C21orf58: variants seen among roughly 807,000 people sequenced by gnomAD.
C21orf58 encodes chromosome 21 open reading frame 58.
Under a neutral mutation model 35.8 loss-of-function variants are expected in C21orf58, and 34 were observed. That is an observed-to-expected ratio of 0.95 (90% CI 0.72 to 1.26). The LOEUF is 1.26. Among genes scored for constraint, C21orf58 ranks in the 50% most tolerant of loss-of-function variants. The pLI, the probability that C21orf58 is intolerant of heterozygous loss-of-function variation, is 0.00. For synonymous variants in C21orf58, 191 were observed against 175.8 expected (o/e 1.09, Z -0.68); for missense variants, 440 against 414.3 (o/e 1.06, Z -0.54).
chr21:46,302,073 G>GGTA lies in C21orf58; in HGVS notation c.894_895insTAC (p.His298_His299insTyr), dbSNP rs2145880950. 6.8e-6 allele frequency: 9 copies of GGTA among 1,316,396 alleles called. No homozygotes were observed. The highest frequency in any genetic ancestry group is 9.3e-6 in the Non-Finnish European group (9 of 966,406). 81.5% of individuals were successfully genotyped at this position (1,316,396 alleles called of 1,614,324 possible). On this transcript the variant is annotated inframe_insertion, in exon 8 of 8. Transcript: ENST00000291691. ...GCAGCCCCAGGTGGCCACACAGCAT[G>GGTA]GTGGTGGTGGTGGTGGTGGTGCACG...
chr21:46,301,126 C>A (rs1490503701), downstream of C21orf58: 11 of 973,590 alleles, frequency 1.1e-5, no homozygotes, highest in Admixed American at 6.8e-5. Flanking sequence ...ACGTCATACA[C>A]AGCTTGCTTC....
In C21orf58 at chr21:46,323,384, C is replaced by A. The variant is rs1057202055; in HGVS notation, c.-646G>T. On this transcript the variant is annotated 5_prime_UTR_variant, in exon 1 of 8. Coordinates refer to ENST00000291691, the MANE Select transcript of C21orf58 (RefSeq NM_058180.5). ...CCATTTCTCTTCTGTCTACTAAAAA[C>A]CTTTTCTTTTCTTTTTTTTTTGAGA... The A allele has an allele frequency of 1.4e-5, 2 of 147,764 alleles. No homozygotes were observed. Among genetic ancestry groups the A allele is most frequent in the African/African-American group, 4.9e-5 (2 of 40,838 alleles). The allele number at this position is 147,764 out of a possible 1,614,324, so 9.2% of individuals were successfully genotyped here.
intron 1 of C21orf58, chr21:46,318,796 G>C (rs989111852): frequency 2.0e-6 from 2 of 987,168 alleles, no homozygotes; most frequent in African/African-American, 1.7e-5. Flanking sequence ...TTGGGGCTGG[G>C]GGCACTGGGC....
downstream of C21orf58, chr21:46,301,016 C>T: frequency 1.0e-6 from 1 of 963,478 alleles, no homozygotes; most frequent in South Asian, 2.4e-5. Context: ...CTCACCTTTG[C>T]TTTACAGGAA....
chr21:46,311,726 TC>T, intron 5 of C21orf58, 159 bp from the exon 6 acceptor site: 1 of 417,662 alleles, frequency 2.4e-6, no homozygotes, highest in Non-Finnish European at 4.3e-6. Context: ...CATCCACCCA[TC>T]CATCCAACCA....
chr21:46,318,642 G>A, intron 1 of C21orf58: 1 of 1,087,436 alleles, frequency 9.2e-7, no homozygotes, highest in Non-Finnish European at 1.1e-6. Context: ...GGAGACACTG[G>A]GAGGACAGGG....
At chr21:46,306,418 C>G (rs62224180) in intron 6 of C21orf58, among the ~76,000 whole-genome samples, 99,084 of 151,894 alleles carry the variant, frequency 0.65, 34,930 homozygotes, top group Non-Finnish European at 0.8. Flanking sequence ...AGAATCGCTT[C>G]AACCTAGGAG....
At position 46,322,409 on chromosome 21, in the gene C21orf58, C is replaced by T. The variant is rs1028495783; in HGVS notation, c.100+230G>A. 2.3e-5 allele frequency: 23 copies of T among 984,004 alleles called. No individual in the cohort carries two copies. In the Admixed American group the frequency reaches 5.5e-4, roughly 24 times the overall value. The allele number at this position is 984,004 out of a possible 1,614,324, so 61.0% of individuals were successfully genotyped here. A position where few individuals can be genotyped will look rare whatever the true frequency, so the allele number is the denominator to read the frequency against. ...AACACAGTCTAGGCAAACCTGGGCACATCCCCTCAGTCCCACAGTTGTAAA... is the reference window on the plus strand; with the variant it reads ...AACACAGTCTAGGCAAACCTGGGCATATCCCCTCAGTCCCACAGTTGTAAA... On this transcript the variant is annotated intron_variant, in intron 1 of 7. Transcript: ENST00000291691.
chr21:46,322,897 G>A lies in C21orf58; in HGVS notation c.-159C>T, dbSNP rs1211045333. 2.0e-6 allele frequency: 1 copy of A among 497,330 alleles called. No individual in the cohort carries two copies. Among genetic ancestry groups the A allele is most frequent in the Non-Finnish European group, 3.5e-6 (1 of 283,976 alleles). The allele number at this position is 497,330 out of a possible 1,614,324, so 30.8% of individuals were successfully genotyped here. A position where few individuals can be genotyped will look rare whatever the true frequency, so the allele number is the denominator to read the frequency against. On this transcript the variant is annotated 5_prime_UTR_variant, in exon 1 of 8. Transcript: ENST00000291691. ...CGAGGAGCCACTCCAGCACGCTCGGGAAGGGCATCGTTACTGCTGCAAACA... is the reference window on the plus strand; with the variant it reads ...CGAGGAGCCACTCCAGCACGCTCGGAAAGGGCATCGTTACTGCTGCAAACA...
intron 6 of C21orf58, among the ~76,000 whole-genome samples, chr21:46,307,143 T>G (rs2082456747): frequency 6.7e-6 from 1 of 149,434 alleles, no homozygotes; most frequent in African/African-American, 2.5e-5. Flanking sequence ...TGATCCAGCC[T>G]CTTTAGCCTC....
At chr21:46,311,119 G>A (rs1467838988) in intron 6 of C21orf58, among the ~76,000 whole-genome samples, 1 of 151,976 alleles carries the variant, frequency 6.6e-6, no homozygotes, top group African/African-American at 2.4e-5. Context: ...TAATCCACCC[G>A]CCTCAGCCTC....
chr21:46,312,565 C>G (rs891734856), intron 5 of C21orf58, among the ~76,000 whole-genome samples: 4 of 152,154 alleles, frequency 2.6e-5, no homozygotes, highest in Admixed American at 6.5e-5. Flanking sequence ...GAGAGCCACC[C>G]ATCCAACCAA....
At position 46,318,493 on chromosome 21, in the gene C21orf58, C is replaced by A. The variant is rs2083057158; in HGVS notation, c.101-273G>T. 8.9e-6 allele frequency: 12 copies of A among 1,346,408 alleles called. No individual in the cohort carries two copies. In the East Asian group the frequency reaches 3.7e-4, roughly 42 times the overall value. 83.4% of individuals were successfully genotyped at this position (1,346,408 alleles called of 1,614,324 possible). A position where few individuals can be genotyped will look rare whatever the true frequency, so the allele number is the denominator to read the frequency against. On this transcript the variant is annotated intron_variant, in intron 1 of 7. Coordinates refer to ENST00000291691, the MANE Select transcript of C21orf58 (RefSeq NM_058180.5). ...GACCTGGGGGAAGGGCAGTCGTGAC[C>A]CCCTATGCACCACCAGCCTCAGGAC...
intron 6 of C21orf58, 80 bp downstream of exon 6, chr21:46,311,376 A>G (rs1601673993): frequency 4.1e-6 from 3 of 735,268 alleles, no homozygotes; most frequent in Non-Finnish European, 6.4e-6. Flanking sequence ...GCCCTAAGTG[A>G]CTGTCCTGCT....
chr21:46,304,794 C>T (rs2082338254), intron 6 of C21orf58, among the ~76,000 whole-genome samples: 1 of 152,324 alleles, frequency 6.6e-6, no homozygotes, highest in African/African-American at 2.4e-5. Context: ...AGCCTGGAAT[C>T]TTGAGCGGGG....
At chr21:46,318,633 G>GA in intron 1 of C21orf58, 1 of 1,093,998 alleles carries the variant, frequency 9.1e-7, no homozygotes, top group Non-Finnish European at 1.1e-6. Context: ...ACAGGGTGGG[G>GA]AGACACTGGG....
intron 4 of C21orf58, 186 bp from the exon 5 acceptor site, chr21:46,315,066 C>T (rs768430555): frequency 1.3e-4 from 188 of 1,478,422 alleles, no homozygotes; most frequent in Non-Finnish European, 1.6e-4. Flanking sequence ...TTGACCCAAG[C>T]GTGTCAGCTA....
Position 46,315,829 on chromosome 21 carries a change from C to T in C21orf58, c.371-282G>A, listed in dbSNP as rs563983617. Among the ~76,000 whole-genome samples the T allele has an allele frequency of 4.6e-5, 7 of 152,256 alleles. No homozygotes were observed. The South Asian group carries it at 1.5e-3, about 32-fold the overall frequency. Reference sequence around the variant, plus strand: ...TGGAAGGGAGGCTGAAATGACGCGACCAGGTTCCTCCTGAGTGCATTTCAT... The same window carrying T: ...TGGAAGGGAGGCTGAAATGACGCGATCAGGTTCCTCCTGAGTGCATTTCAT... On this transcript the variant is annotated intron_variant, in intron 3 of 7. Transcript: ENST00000291691.
At chr21:46,305,818 T>C (rs923657724) in intron 6 of C21orf58, among the ~76,000 whole-genome samples, 1 of 151,780 alleles carries the variant, frequency 6.6e-6, no homozygotes, top group African/African-American at 2.4e-5. Flanking sequence ...GGCGGGCACA[T>C]GTAGACCCAG....
Sources: gnomAD v4.1 joint callset for allele counts (sites outside exome capture counted in the v4.1 genomes callset) on GRCh38, gnomAD v4.1.1 for gene constraint, MANE v1.5 for transcripts, NCBI Gene and HGNC (gene_info 2026-07-23, HGNC 2026-07-21) for gene names.